Variants in PKIB observed in about 807,000 individuals in gnomAD.
PKIB encodes PKI-beta.
Under a neutral mutation model 4.5 loss-of-function variants are expected in PKIB, and 2 were observed. That is an observed-to-expected ratio of 0.44 (90% CI 0.18 to 1.39). PKIB has a LOEUF of 1.39. Among genes scored for constraint, PKIB ranks in the 40% most tolerant of loss-of-function variants. The probability of loss-of-function intolerance (pLI) is 0.27; values close to 1 mark genes in which losing one functional copy is unlikely to be tolerated. For missense variants in PKIB, 94 were observed against 92.6 expected (o/e 1.02, Z -0.06); for synonymous variants, 38 against 36.0 (o/e 1.06, Z -0.20).
chr6:122,718,074 GTTTACT>G, intron 4 of PKIB, 111 bp downstream of exon 4: 1 of 1,119,912 alleles, frequency 8.9e-7, no homozygotes. Flanking sequence ...TTCCTTATTT[GTTTACT>G]TAAACCTCTC....
chr6:122,601,763 G>T (rs1483062985), intron 3 of PKIB, among the ~76,000 whole-genome samples: 2 of 152,168 alleles, frequency 1.3e-5, no homozygotes, highest in Admixed American at 6.5e-5. Flanking sequence ...TCAGTATATA[G>T]TACATATAAC....
At chr6:122,538,779 A>G (rs1777490658) in intron 2 of PKIB, among the ~76,000 whole-genome samples, 1 of 152,022 alleles carries the variant, frequency 6.6e-6, no homozygotes, top group Non-Finnish European at 1.5e-5. Context: ...CAATATGGCC[A>G]TTTTCACAAT....
At chr6:122,633,929 C>CTATCTAT (rs1775798442) in intron 2 of PKIB, among the ~76,000 whole-genome samples, 1 of 145,868 alleles carries the variant, frequency 6.9e-6, no homozygotes, top group Non-Finnish European at 1.5e-5. Context: ...AGATATCTGT[C>CTATCTAT]CTATCTATCT....
At chr6:122,571,357 G>T (rs1410244303) in intron 2 of PKIB, among the ~76,000 whole-genome samples, 1 of 152,188 alleles carries the variant, frequency 6.6e-6, no homozygotes, top group East Asian at 1.9e-4. Context: ...AACTTCCCTT[G>T]CCTTGCTAGA....
intron 3 of PKIB, among the ~76,000 whole-genome samples, chr6:122,705,381 G>C (rs536186346): frequency 6.6e-6 from 1 of 152,196 alleles, no homozygotes; most frequent in South Asian, 2.1e-4. Flanking sequence ...GTCTGATAGT[G>C]TAAGTCCTTT....
rs572224422 is a variant in PKIB, at chr6:122,614,850, T to C, written c.-161+4315T>C. Among the ~76,000 whole-genome samples, 43 of 152,290 alleles carry C rather than the reference T, an allele frequency of 2.8e-4. 1 individual carries two copies. The highest frequency in any genetic ancestry group is 5.9e-4 in the Non-Finnish European group (40 of 68,014). On this transcript the variant is annotated intron_variant, in intron 1 of 4. Transcript: ENST00000368452. ...GGGCTTACAACTCATGCAATTACAT[T>C]AGTGTATTACATTAGTTTATTTTAT...
Position 122,538,090 on chromosome 6 carries a change from A to T in PKIB, c.-247-47831A>T, listed in dbSNP as rs184028889. Among the ~76,000 whole-genome samples the T allele has an allele frequency of 2.2e-3, 334 of 152,116 alleles. 6 individuals are homozygous for T. In the East Asian group the frequency reaches 0.043, roughly 20 times the overall value. On this transcript the variant is annotated intron_variant, in intron 2 of 6. Transcript: ENST00000392491. Reference sequence around the variant, plus strand: ...ATTCTGGATATTAGCCCTTTGTCAGATGAGTAGGTTGTGAAAATTTTCTTC... The same window carrying T: ...ATTCTGGATATTAGCCCTTTGTCAGTTGAGTAGGTTGTGAAAATTTTCTTC...
intron 2 of PKIB, among the ~76,000 whole-genome samples, chr6:122,636,683 A>G (rs191851998): frequency 1.3e-4 from 20 of 152,214 alleles, no homozygotes; most frequent in African/African-American, 4.8e-4. Flanking sequence ...AAATCCAAAA[A>G]AGGATTTGGG....
intron 2 of PKIB, among the ~76,000 whole-genome samples, chr6:122,491,880 C>T (rs1244700651): frequency 6.6e-6 from 1 of 152,108 alleles, no homozygotes; most frequent in Non-Finnish European, 1.5e-5. Context: ...ATTTCTAAAG[C>T]TACTCGGTAA....
chr6:122,539,819 T>A (rs890138580), intron 2 of PKIB, among the ~76,000 whole-genome samples: 2 of 152,068 alleles, frequency 1.3e-5, no homozygotes, highest in Admixed American at 6.6e-5. Context: ...CCTGGACTTT[T>A]TTTGGTTCGT....
Position 122,725,452 on chromosome 6 carries a change from C to T in PKIB, c.*257C>T, listed in dbSNP as rs1034846031. 4 of 386,048 alleles carry T rather than the reference C, an allele frequency of 1.0e-5. No individual in the cohort carries two copies. The highest frequency in any genetic ancestry group is 1.4e-5 in the Non-Finnish European group (3 of 211,700). 23.9% of individuals were successfully genotyped at this position (386,048 alleles called of 1,614,324 possible). ...AGAATAATACATGATCACAGAAATG[C>T]ATACCACTGTCTGTAAACCCAACAA... On this transcript the variant is annotated 3_prime_UTR_variant, in exon 5 of 5. Coordinates refer to ENST00000368452, the MANE Select transcript of PKIB (RefSeq NM_181795.3).
intron 3 of PKIB, among the ~76,000 whole-genome samples, chr6:122,709,183 C>T (rs1779178635): frequency 1.3e-5 from 2 of 152,100 alleles, no homozygotes; most frequent in Admixed American, 1.3e-4. Context: ...ATGTAGAATG[C>T]TAATCAACAA....
At position 122,578,915 on chromosome 6, in the gene PKIB, G is replaced by C. The variant is rs559555561; in HGVS notation, c.-247-7006G>C. Among the ~76,000 whole-genome samples the C allele has an allele frequency of 1.4e-4, 22 of 152,208 alleles. No individual in the cohort carries two copies. The East Asian group carries it at 1.9e-3, about 13-fold the overall frequency. The stretch of plus-strand genomic sequence containing the variant: ...TTCATAAGAGGCTTTTCCCTCTTTT[G>C]CTCCTTTTTCTCCTTCCTGCCACCA... On this transcript the variant is annotated intron_variant, in intron 2 of 6. Transcript: ENST00000392491.
rs78937480 is a variant in PKIB, at chr6:122,527,885, T to G, written c.-248+49946T>G. On this transcript the variant is annotated intron_variant, in intron 2 of 6. Transcript: ENST00000392491. The stretch of plus-strand genomic sequence containing the variant: ...TGAAGCAAAATAAAGCAAACTGTAA[T>G]AAAATGAAGTACATCTGTGTTATTT... 2.2e-3 allele frequency among the ~76,000 whole-genome samples: 337 copies of G among 152,282 alleles called. 8 individuals are homozygous for G. The East Asian group carries it at 0.044, about 20-fold the overall frequency.
chr6:122,557,676 C>T (rs1396611143), intron 2 of PKIB, among the ~76,000 whole-genome samples: 5 of 152,184 alleles, frequency 3.3e-5, no homozygotes, highest in African/African-American at 4.8e-5. Flanking sequence ...GTCTGTAAAT[C>T]GACAGAAGCC....
chr6:122,568,070 C>T (rs1056453426), intron 2 of PKIB, among the ~76,000 whole-genome samples: 3 of 151,848 alleles, frequency 2.0e-5, no homozygotes, highest in African/African-American at 4.8e-5. Flanking sequence ...CGTCAAAAAA[C>T]GAATGACTCT....
At chr6:122,593,396 A>T (rs189199667) in intron 3 of PKIB, among the ~76,000 whole-genome samples, 1 of 152,344 alleles carries the variant, frequency 6.6e-6, no homozygotes, top group East Asian at 1.9e-4. Flanking sequence ...AAATGGAGAC[A>T]TTCATTAATA....
chr6:122,576,265 C>T (rs1206716598), intron 2 of PKIB, among the ~76,000 whole-genome samples: 5 of 150,776 alleles, frequency 3.3e-5, no homozygotes. Context: ...TTTGGGAGGC[C>T]GAGGCAGGCG....
chr6:122,520,197 G>T (rs1339592676), intron 2 of PKIB, among the ~76,000 whole-genome samples: 1 of 151,964 alleles, frequency 6.6e-6, no homozygotes, highest in South Asian at 2.1e-4. Flanking sequence ...TCAGCATATT[G>T]GTCAATTTGA....
Sources: gnomAD v4.1 joint callset for allele counts (sites outside exome capture counted in the v4.1 genomes callset) on GRCh38, gnomAD v4.1.1 for gene constraint, MANE v1.5 for transcripts, NCBI Gene and HGNC (gene_info 2026-07-23, HGNC 2026-07-21) for gene names.